NTM: variants seen among roughly 807,000 people sequenced by gnomAD.
The protein encoded by NTM is IgLON family member 2.
In NTM, 13 loss-of-function variants were observed where a neutral mutation model predicts 42.1. The observed-to-expected ratio is 0.31, with a 90% CI of 0.20 to 0.49. The LOEUF is 0.49. Among genes scored for constraint, NTM ranks in the 20% least tolerant of loss-of-function variants. NTM has a pLI of 0.99. For synonymous variants in NTM, 187 were observed against 179.2 expected (o/e 1.04, Z -0.35); for missense variants, 373 against 452.8 (o/e 0.82, Z 1.60).
chr11:131,790,319 G>A (rs1284394772), intron 1 of NTM, among the ~76,000 whole-genome samples: 1 of 152,074 alleles, frequency 6.6e-6, no homozygotes, highest in Non-Finnish European at 1.5e-5. Context: ...CATTTTGCAC[G>A]TGTTTTATTG....
At chr11:132,076,614 A>C (rs1025150924) in intron 2 of NTM, among the ~76,000 whole-genome samples, 1 of 152,236 alleles carries the variant, frequency 6.6e-6, no homozygotes, top group Non-Finnish European at 1.5e-5. Flanking sequence ...GATTTGGTAA[A>C]GAACGACTTA....
intron 4 of NTM, among the ~76,000 whole-genome samples, chr11:132,243,093 C>G (rs150863886): frequency 1.2e-4 from 18 of 152,304 alleles, no homozygotes; most frequent in Admixed American, 4.6e-4. Context: ...ACATCCAGGT[C>G]TAACAGCTTC....
At chr11:131,511,475 C>T (rs1374133491) in intron 1 of NTM, among the ~76,000 whole-genome samples, 1 of 152,252 alleles carries the variant, frequency 6.6e-6, no homozygotes, top group African/African-American at 2.4e-5. Flanking sequence ...CATTTCCCTC[C>T]CTGCTTAAGA....
intron 2 of NTM, among the ~76,000 whole-genome samples, chr11:132,036,132 A>G (rs2076486935): frequency 6.6e-6 from 1 of 152,048 alleles, no homozygotes; most frequent in Admixed American, 6.6e-5. Flanking sequence ...TTATGCTACT[A>G]AGGATATTTA....
intron 1 of NTM, among the ~76,000 whole-genome samples, chr11:131,619,541 T>C (rs941415757): frequency 1.3e-5 from 2 of 152,140 alleles, no homozygotes; most frequent in African/African-American, 4.8e-5. Flanking sequence ...GTTGCAGCAT[T>C]TTGTCTTTAA....
intron 1 of NTM, among the ~76,000 whole-genome samples, chr11:131,524,812 C>T (rs11821218): frequency 0.014 from 2,154 of 152,202 alleles, 56 homozygotes; most frequent in African/African-American, 0.048. Context: ...CAGTGGCGGC[C>T]GGGACCAGCC....
chr11:132,203,263 G>A (rs577118898), intron 3 of NTM, among the ~76,000 whole-genome samples: 6 of 152,214 alleles, frequency 3.9e-5, no homozygotes, highest in East Asian at 1.9e-4. Flanking sequence ...ATTTCTCTTC[G>A]TATTGGTCTC....
intron 1 of NTM, among the ~76,000 whole-genome samples, chr11:131,542,393 A>G (rs1287463989): frequency 6.6e-6 from 1 of 152,222 alleles, no homozygotes; most frequent in African/African-American, 2.4e-5. Flanking sequence ...TGCTTGATAC[A>G]TGAAGACAGT....
chr11:131,587,697 A>G (rs1429544123), intron 1 of NTM, among the ~76,000 whole-genome samples: 2 of 152,210 alleles, frequency 1.3e-5, no homozygotes, highest in Admixed American at 6.5e-5. Context: ...CATGAGTGGA[A>G]TTGTATCTTA....
At chr11:131,633,347 T>C (rs1181053604) in intron 1 of NTM, among the ~76,000 whole-genome samples, 1 of 152,202 alleles carries the variant, frequency 6.6e-6, no homozygotes, top group Admixed American at 6.5e-5. Context: ...GAACTTAATG[T>C]CTTGTGTACT....
intron 1 of NTM, among the ~76,000 whole-genome samples, chr11:131,791,775 C>G (rs369929041): frequency 1.3e-5 from 2 of 152,156 alleles, no homozygotes; most frequent in African/African-American, 4.8e-5. Flanking sequence ...AATGAAGAGA[C>G]CCTTAGAAGA....
intron 1 of NTM, among the ~76,000 whole-genome samples, chr11:131,391,291 C>A (rs937609937): frequency 2.0e-5 from 3 of 152,068 alleles, no homozygotes; most frequent in African/African-American, 7.2e-5. Context: ...TCTCTGTCCC[C>A]ACATGCTTTG....
intron 1 of NTM, among the ~76,000 whole-genome samples, chr11:131,808,327 C>T (rs1288951829): frequency 6.6e-6 from 1 of 152,140 alleles, no homozygotes; most frequent in Non-Finnish European, 1.5e-5. Flanking sequence ...CTGGGATTCT[C>T]TTTGTATTTG....
chr11:131,875,213 GGTTTA>G (rs1402792156), intron 1 of NTM, among the ~76,000 whole-genome samples: 7 of 152,036 alleles, frequency 4.6e-5, no homozygotes, highest in Non-Finnish European at 4.4e-5. Context: ...AAAAAATTCT[GGTTTA>G]TTGGTTTTAT....
chr11:132,170,228 C>G (rs2075930523), intron 3 of NTM, among the ~76,000 whole-genome samples: 1 of 152,206 alleles, frequency 6.6e-6, no homozygotes, highest in Non-Finnish European at 1.5e-5. Context: ...TCACCAATAA[C>G]CATAGGCCTC....
intron 4 of NTM, among the ~76,000 whole-genome samples, chr11:132,303,882 C>T (rs1241383970): frequency 6.6e-6 from 1 of 152,114 alleles, no homozygotes; most frequent in Admixed American, 6.5e-5. Flanking sequence ...TCAGTGTCCC[C>T]ACTGCACTCC....
chr11:132,109,443 G>A (rs758443542), intron 2 of NTM, among the ~76,000 whole-genome samples: 3 of 152,154 alleles, frequency 2.0e-5, no homozygotes, highest in Non-Finnish European at 2.9e-5. Context: ...GAATCTGCCA[G>A]CACCTTAATC....
chr11:131,926,272 T>TGCACAACTG (rs1459758395), intron 2 of NTM, among the ~76,000 whole-genome samples: 1 of 152,188 alleles, frequency 6.6e-6, no homozygotes, highest in Admixed American at 6.5e-5. Flanking sequence ...GCGCACAAGC[T>TGCACAACTG]GCACAACTGT....
rs78525496 is a variant in NTM, at chr11:131,607,880, G to T, written c.82+236992G>T. 3.3e-3 allele frequency among the ~76,000 whole-genome samples: 370 copies of T among 110,594 alleles called. 1 individual carries two copies. Among genetic ancestry groups the T allele is most frequent in the African/African-American group, 8.1e-3 (276 of 33,970 alleles). The allele number at this position is 110,594 out of a possible 152,430, so 72.6% of individuals were successfully genotyped here. The stretch of plus-strand genomic sequence containing the variant: ...ACGGTTTGATCGGTAGACATTTTTG[G>T]TTTTTTGTGTTTTTTTTTTGTTTTA... On this transcript the variant is annotated intron_variant, in intron 1 of 8. Coordinates refer to ENST00000683400, the MANE Select transcript of NTM (RefSeq NM_001352005.2).
Sources: gnomAD v4.1 joint callset for allele counts (sites outside exome capture counted in the v4.1 genomes callset) on GRCh38, gnomAD v4.1.1 for gene constraint, MANE v1.5 for transcripts, NCBI Gene and HGNC (gene_info 2026-07-23, HGNC 2026-07-21) for gene names.